The following SAMD12 variants were observed in gnomAD, a reference collection of about 807,000 sequenced individuals.
SAMD12 encodes sterile alpha motif domain containing 12.
A neutral mutation model predicts 15.0 loss-of-function variants in SAMD12; 9 were observed. The observed-to-expected ratio is 0.60, with a 90% confidence interval of 0.36 to 1.05. The LOEUF (loss-of-function observed/expected upper bound fraction) is 1.05. Among genes scored for constraint, SAMD12 ranks in the 50% least tolerant of loss-of-function variants. The pLI is 0.01. For missense variants in SAMD12, 230 were observed against 234.2 expected (o/e 0.98, Z 0.12); for synonymous variants, 86 against 90.1 (o/e 0.96, Z 0.25).
At chr8:118,253,429 G>A (rs1223155600) in intron 4 of SAMD12, among the ~76,000 whole-genome samples, 3 of 152,138 alleles carry the variant, frequency 2.0e-5, no homozygotes, top group African/African-American at 7.2e-5. Context: ...CTATAATGTT[G>A]TGTGCTATGT....
intron 4 of SAMD12, among the ~76,000 whole-genome samples, chr8:118,297,936 A>G (rs1003009331): frequency 6.6e-6 from 1 of 152,222 alleles, no homozygotes; most frequent in African/African-American, 2.4e-5. Flanking sequence ...TAGAAGCAGA[A>G]AAAATGAATG....
chr8:118,371,313 TG>T (rs1430355603), intron 4 of SAMD12, among the ~76,000 whole-genome samples: 1 of 152,098 alleles, frequency 6.6e-6, no homozygotes, highest in Admixed American at 6.6e-5. Flanking sequence ...GGAAGTTAAT[TG>T]AAGTAGAATT....
At chr8:118,611,464 T>C (rs1828109767) in intron 1 of SAMD12, among the ~76,000 whole-genome samples, 1 of 152,242 alleles carries the variant, frequency 6.6e-6, no homozygotes, top group South Asian at 2.1e-4. Context: ...AGGATTTGGA[T>C]GCCGTCTCCA....
intron 3 of SAMD12, among the ~76,000 whole-genome samples, chr8:118,401,306 T>C (rs2450212): frequency 0.79 from 119,614 of 152,164 alleles, 47,924 homozygotes; most frequent in African/African-American, 0.93. Flanking sequence ...TTTCTTTGAT[T>C]GTAAAGCAAT....
At chr8:118,393,274 G>A (rs1399578686) in intron 3 of SAMD12, among the ~76,000 whole-genome samples, 2 of 152,150 alleles carry the variant, frequency 1.3e-5, no homozygotes, top group Non-Finnish European at 2.9e-5. Context: ...ATACAGTGGT[G>A]TGATCATGTC....
At chr8:118,256,793 C>CACAT (rs1812950845) in intron 4 of SAMD12, among the ~76,000 whole-genome samples, 1 of 150,120 alleles carries the variant, frequency 6.7e-6, no homozygotes, top group African/African-American at 2.4e-5. Flanking sequence ...CACACACACA[C>CACAT]ACACACACAC....
intron 4 of SAMD12, among the ~76,000 whole-genome samples, chr8:118,234,947 A>G (rs1310874498): frequency 6.6e-6 from 1 of 152,112 alleles, no homozygotes; most frequent in Non-Finnish European, 1.5e-5. Context: ...TCTTACATAA[A>G]TACTCTCAAA....
At chr8:118,190,440 G>C (rs1366877773) in exon 5 of SAMD12, 1 of 152,118 alleles carries the variant, frequency 6.6e-6, no homozygotes, top group African/African-American at 2.4e-5. Flanking sequence ...TCTTTGGGAG[G>C]TGAAGAAGTG....
chr8:118,595,743 C>T (rs1013161180), intron 1 of SAMD12, among the ~76,000 whole-genome samples: 1 of 152,192 alleles, frequency 6.6e-6, no homozygotes, highest in Non-Finnish European at 1.5e-5. Context: ...CGAATCTTGC[C>T]CTATGTAATA....
intron 4 of SAMD12, among the ~76,000 whole-genome samples, chr8:118,357,403 A>G (rs959208974): frequency 6.6e-6 from 1 of 152,090 alleles, no homozygotes; most frequent in Non-Finnish European, 1.5e-5. Context: ...ATATCCAGCT[A>G]ATTTTTGTAT....
chr8:118,280,883 T>A (rs1288820612), intron 4 of SAMD12, among the ~76,000 whole-genome samples: 1 of 152,188 alleles, frequency 6.6e-6, no homozygotes, highest in Non-Finnish European at 1.5e-5. Flanking sequence ...GGTATCTCCA[T>A]GCTTTCAGTT....
exon 5 of SAMD12, chr8:118,192,233 G>A (rs1341002170): frequency 6.6e-6 from 1 of 152,014 alleles, no homozygotes; most frequent in East Asian, 1.9e-4. Context: ...GGCGGTGGCG[G>A]TGATTAAATG....
downstream of SAMD12, among the ~76,000 whole-genome samples, chr8:118,376,902 G>A (rs940533797): frequency 6.6e-6 from 1 of 152,148 alleles, no homozygotes; most frequent in African/African-American, 2.4e-5. Flanking sequence ...AAGTTCACCT[G>A]AGTGGAATGA....
At chr8:118,309,102 G>A (rs1187107908) in intron 4 of SAMD12, among the ~76,000 whole-genome samples, 1 of 152,066 alleles carries the variant, frequency 6.6e-6, no homozygotes, top group Non-Finnish European at 1.5e-5. Flanking sequence ...CCTGAGCAGT[G>A]TACACTGCAC....
At chr8:118,229,155 G>C (rs898407266) in intron 4 of SAMD12, among the ~76,000 whole-genome samples, 1 of 152,018 alleles carries the variant, frequency 6.6e-6, no homozygotes, top group African/African-American at 2.4e-5. Context: ...AGGGGGGCGA[G>C]GGATAAAAGA....
intron 4 of SAMD12, among the ~76,000 whole-genome samples, chr8:118,203,140 A>G (rs113749113): frequency 5.2e-4 from 79 of 152,372 alleles, no homozygotes; most frequent in African/African-American, 1.9e-3. Flanking sequence ...TTGGGAAAAG[A>G]AATTCTCCAA....
chr8:118,297,042 T>C (rs950142453), intron 4 of SAMD12, among the ~76,000 whole-genome samples: 2 of 152,206 alleles, frequency 1.3e-5, no homozygotes, highest in Admixed American at 6.5e-5. Flanking sequence ...GCATGGCATA[T>C]TGATGTGCAG....
At chr8:118,141,840 C>T in the SAMD12 span, among the ~76,000 whole-genome samples, 1 of 152,188 alleles carries the variant, frequency 6.6e-6, no homozygotes, top group Non-Finnish European at 1.5e-5. Flanking sequence ...GAACCAAATG[C>T]AGAGAGAAGA....
intron 4 of SAMD12, among the ~76,000 whole-genome samples, chr8:118,242,648 A>G (rs535662121): frequency 6.6e-6 from 1 of 152,240 alleles, no homozygotes; most frequent in South Asian, 2.1e-4. Context: ...GTCTTGGAAC[A>G]TATCTCCCAC....
Sources: gnomAD v4.1 joint callset for allele counts (sites outside exome capture counted in the v4.1 genomes callset) on GRCh38, gnomAD v4.1.1 for gene constraint, MANE v1.5 for transcripts, NCBI Gene and HGNC (gene_info 2026-07-23, HGNC 2026-07-21) for gene names.